CNTNAP2: variants seen among roughly 807,000 people sequenced by gnomAD.
CNTNAP2 encodes the protein contactin associated protein 2, also known as contactin-associated protein-like 2.
In CNTNAP2, 98 loss-of-function variants were observed where a neutral mutation model predicts 155.2. That is an observed-to-expected ratio of 0.63 (90% confidence interval 0.54 to 0.75). The LOEUF is 0.75. Ranked by LOEUF, CNTNAP2 falls within the 30% of genes least tolerant of loss-of-function variation. CNTNAP2 has a pLI of 0.00. For synonymous variants in CNTNAP2, 651 were observed against 631.2 expected (o/e 1.03, Z -0.47); for missense variants, 1,727 against 1,688.1 (o/e 1.02, Z -0.40).
intron 3 of CNTNAP2, among the ~76,000 whole-genome samples, chr7:146,897,179 A>G (rs1795895233): frequency 6.6e-6 from 1 of 152,164 alleles, no homozygotes; most frequent in South Asian, 2.1e-4. Flanking sequence ...TGGAAAATCA[A>G]GCCCATCATT....
chr7:147,020,282 CTGT>C lies in CNTNAP2; in HGVS notation c.403-23620_403-23618del, dbSNP rs527962445. On this transcript the variant is annotated intron_variant, in intron 3 of 23. Coordinates refer to ENST00000361727, the MANE Select transcript of CNTNAP2 (RefSeq NM_014141.6). Reference sequence around the variant, plus strand: ...ATAGAATCTATTTTTGAATATCTTTCTGTTGTTCTATAGACTTTATTGAACTAG... The same window carrying C: ...ATAGAATCTATTTTTGAATATCTTTCTGTTCTATAGACTTTATTGAACTAG... 3.7e-3 allele frequency among the ~76,000 whole-genome samples: 558 copies of C among 152,126 alleles called. 4 individuals are homozygous for C. The highest frequency in any genetic ancestry group is 0.013 in the African/African-American group (539 of 41,518).
At chr7:146,444,023 A>T (rs904117735) in intron 1 of CNTNAP2, among the ~76,000 whole-genome samples, 1 of 152,040 alleles carries the variant, frequency 6.6e-6, no homozygotes, top group Non-Finnish European at 1.5e-5. Context: ...GGTATTTATC[A>T]TGTTATTTAT....
At chr7:148,151,371 T>C (rs183541628) in intron 17 of CNTNAP2, among the ~76,000 whole-genome samples, 1 of 152,238 alleles carries the variant, frequency 6.6e-6, no homozygotes, top group East Asian at 1.9e-4. Flanking sequence ...AGTGGCGTGA[T>C]CTCAGCTCAC....
At chr7:147,487,286 T>G (rs1227687963) in intron 11 of CNTNAP2, among the ~76,000 whole-genome samples, 1 of 152,212 alleles carries the variant, frequency 6.6e-6, no homozygotes, top group East Asian at 1.9e-4. Flanking sequence ...AAATTGATAC[T>G]AGATTCATTA....
At chr7:148,396,303 C>T (rs970611089) in intron 22 of CNTNAP2, among the ~76,000 whole-genome samples, 22 of 152,118 alleles carry the variant, frequency 1.4e-4, no homozygotes, top group African/African-American at 5.3e-4. Context: ...CTTTCCTTAC[C>T]CCCAGCGATC....
chr7:148,298,890 G>T (rs1467551323), intron 21 of CNTNAP2, among the ~76,000 whole-genome samples: 1 of 151,810 alleles, frequency 6.6e-6, no homozygotes, highest in Non-Finnish European at 1.5e-5. Context: ...GTAAAGATGG[G>T]GTCTCACTAA....
intron 11 of CNTNAP2, among the ~76,000 whole-genome samples, chr7:147,543,046 G>A (rs1799667403): frequency 1.3e-5 from 2 of 152,318 alleles, no homozygotes; most frequent in East Asian, 1.9e-4. Context: ...ATATAGAGGT[G>A]TGAAGTGGGA....
rs552508992 is a variant in CNTNAP2, at chr7:147,416,237, C to T, written c.1670+20457C>T. 4.5e-4 allele frequency among the ~76,000 whole-genome samples: 68 copies of T among 152,282 alleles called. 1 individual carries two copies. In the South Asian group the frequency reaches 1.0e-2, roughly 22 times the overall value. ...CAACCTGTGGCCACAGGGACTATTT[C>T]AAGAACATTCCCATGATTAAGGCCA... On this transcript the variant is annotated intron_variant, in intron 10 of 23. Coordinates refer to ENST00000361727, the MANE Select transcript of CNTNAP2 (RefSeq NM_014141.6).
intron 11 of CNTNAP2, among the ~76,000 whole-genome samples, chr7:147,542,150 T>C (rs1193786395): frequency 1.3e-5 from 2 of 152,174 alleles, no homozygotes; most frequent in African/African-American, 4.8e-5. Context: ...TACAGTCCAA[T>C]GCTATAATAA....
At chr7:148,324,337 C>T (rs1269817596) in intron 21 of CNTNAP2, among the ~76,000 whole-genome samples, 1 of 152,188 alleles carries the variant, frequency 6.6e-6, no homozygotes, top group East Asian at 1.9e-4. Flanking sequence ...GTCACCTTCT[C>T]CTGGCCTTCC....
intron 1 of CNTNAP2, among the ~76,000 whole-genome samples, chr7:146,138,682 A>ATG (rs972992894): frequency 6.6e-6 from 1 of 152,008 alleles, no homozygotes; most frequent in Admixed American, 6.6e-5. Flanking sequence ...GTGTGTACAT[A>ATG]TGTGTGTGTG....
At chr7:147,259,109 T>C (rs1413322600) in intron 8 of CNTNAP2, among the ~76,000 whole-genome samples, 3 of 152,214 alleles carry the variant, frequency 2.0e-5, no homozygotes, top group Admixed American at 1.3e-4. Flanking sequence ...TTGTAGCATG[T>C]TGTGGTCAGA....
intron 1 of CNTNAP2, among the ~76,000 whole-genome samples, chr7:146,217,343 A>G (rs1174149353): frequency 6.6e-6 from 1 of 152,222 alleles, no homozygotes; most frequent in African/African-American, 2.4e-5. Context: ...ACTCTTTATG[A>G]CAATCCTGTG....
At position 148,331,480 on chromosome 7, in the gene CNTNAP2, G is replaced by A. The variant is rs139623853; in HGVS notation, c.3476-52169G>A. ...GGATGGATGGATAGATGGAGTGGACGGATGGAATGGACAGATGGAGTTGAT... is the reference window on the plus strand; with the variant it reads ...GGATGGATGGATAGATGGAGTGGACAGATGGAATGGACAGATGGAGTTGAT... On this transcript the variant is annotated intron_variant, in intron 21 of 23. Coordinates refer to ENST00000361727, the MANE Select transcript of CNTNAP2 (RefSeq NM_014141.6). Among the ~76,000 whole-genome samples, 762 of 143,434 alleles carry A rather than the reference G, an allele frequency of 5.3e-3. 22 individuals carry two copies. Among genetic ancestry groups the A allele is most frequent in the African/African-American group, 0.019 (706 of 37,174 alleles). The allele number at this position is 143,434 out of a possible 152,430, so 94.1% of individuals were successfully genotyped here. A position where few individuals can be genotyped will look rare whatever the true frequency, so the allele number is the denominator to read the frequency against.
chr7:146,673,131 T>C (rs982340923), intron 1 of CNTNAP2, among the ~76,000 whole-genome samples: 1 of 152,190 alleles, frequency 6.6e-6, no homozygotes, highest in African/African-American at 2.4e-5. Context: ...ATAATAGCTT[T>C]GATATTCAAA....
chr7:146,857,579 A>G (rs1464096695), intron 3 of CNTNAP2, among the ~76,000 whole-genome samples: 1 of 152,198 alleles, frequency 6.6e-6, no homozygotes, highest in Non-Finnish European at 1.5e-5. Flanking sequence ...TCCAGAAAAT[A>G]GAGATTTGAC....
At chr7:146,461,035 C>A (rs1392234688) in intron 1 of CNTNAP2, among the ~76,000 whole-genome samples, 1 of 152,102 alleles carries the variant, frequency 6.6e-6, no homozygotes, top group South Asian at 2.1e-4. Context: ...TGGACTTAAT[C>A]ATTTCACAAT....
intron 13 of CNTNAP2, among the ~76,000 whole-genome samples, chr7:147,655,618 C>G (rs1279773471): frequency 6.6e-6 from 1 of 152,176 alleles, no homozygotes; most frequent in African/African-American, 2.4e-5. Context: ...GGCAGTAACT[C>G]TCAATGGGCT....
chr7:148,295,641 G>T, intron 21 of CNTNAP2, among the ~76,000 whole-genome samples: 1 of 138,024 alleles, frequency 7.2e-6, no homozygotes, highest in African/African-American at 2.9e-5. Flanking sequence ...ACCGGTGCCC[G>T]CCACCGCGCC....
Sources: gnomAD v4.1 joint callset for allele counts (sites outside exome capture counted in the v4.1 genomes callset) on GRCh38, gnomAD v4.1.1 for gene constraint, MANE v1.5 for transcripts, NCBI Gene and HGNC (gene_info 2026-07-23, HGNC 2026-07-21) for gene names.